The following PKHD1L1 variants were observed in gnomAD, a reference collection of about 807,000 sequenced individuals.
PKHD1L1 encodes the protein fibrocystin-L.
PKHD1L1 carries 434 observed loss-of-function variants against 462.9 expected under a neutral mutation model. The ratio of observed to expected loss-of-function variants is 0.94; its 90% CI spans 0.87 to 1.02. The LOEUF (loss-of-function observed/expected upper bound fraction) is 1.02. Ranked by LOEUF, PKHD1L1 falls within the 50% of genes least tolerant of loss-of-function variation. The probability of loss-of-function intolerance (pLI) is 0.00; values close to 1 mark genes in which losing one functional copy is unlikely to be tolerated. For missense variants in PKHD1L1, 5,202 were observed against 5,096.1 expected (o/e 1.02, Z -0.63); for synonymous variants, 1,781 against 1,750.0 (o/e 1.02, Z -0.44).
At chr8:109,438,250 TC>T (rs1815550719) in intron 30 of PKHD1L1, 73 bp from the exon 31 acceptor site, 1 of 1,090,158 alleles carries the variant, frequency 9.2e-7, no homozygotes, top group African/African-American at 1.6e-5. Flanking sequence ...TTCTGAATAA[TC>T]TATTTCTTTT....
Position 109,443,060 on chromosome 8 carries a change from C to T in PKHD1L1, c.4508C>T (p.Thr1503Ile), listed in dbSNP as rs1470821465. 5 of 1,613,586 alleles carry T rather than the reference C, an allele frequency of 3.1e-6. No homozygotes were observed. In the South Asian group the frequency reaches 4.4e-5, roughly 14 times the overall value. The change falls in exon 36 of 78, where the codon ACC (threonine) becomes ATC (isoleucine). Residue 1503 changes from threonine (T) to isoleucine (I), a missense_variant. Physicochemically the swap from Thr to Ile is moderately conservative, Grantham distance 89. Coordinates refer to ENST00000378402, the MANE Select transcript of PKHD1L1 (RefSeq NM_177531.6). ...QGVINVLPAE[T>I]RHIPLHLFVG... is the part of the protein sequence containing the mutation. ...GTCATTAATGTTTTACCAGCTGAAA[C>T]CAGACACATTCCCTTGCACCTGTTT...
intron 67 of PKHD1L1, among the ~76,000 whole-genome samples, chr8:109,500,852 C>T (rs1819374422): frequency 6.6e-6 from 1 of 152,094 alleles, no homozygotes; most frequent in Admixed American, 6.6e-5. Flanking sequence ...GGATCAGTTA[C>T]TTCTGCCAGG....
chr8:109,423,768 C>G (rs769943241), intron 23 of PKHD1L1, among the ~76,000 whole-genome samples: 1 of 152,110 alleles, frequency 6.6e-6, no homozygotes, highest in Non-Finnish European at 1.5e-5. Flanking sequence ...CAGTATGTCT[C>G]TCCAATTATT....
intron 51 of PKHD1L1, 142 bp from the exon 52 acceptor site, chr8:109,476,366 A>G: frequency 1.8e-6 from 1 of 557,890 alleles, no homozygotes; most frequent in South Asian, 2.5e-5. Context: ...TAAACAAAAT[A>G]GAAATTCAAG....
chr8:109,481,162 G>A (rs1052270194), intron 55 of PKHD1L1, among the ~76,000 whole-genome samples: 2 of 151,832 alleles, frequency 1.3e-5, no homozygotes, highest in African/African-American at 4.8e-5. Context: ...ATTATGGTCT[G>A]TTCAAACACC....
At chr8:109,511,508 T>C (rs981645049) in intron 71 of PKHD1L1, among the ~76,000 whole-genome samples, 3 of 151,786 alleles carry the variant, frequency 2.0e-5, no homozygotes, top group Non-Finnish European at 1.5e-5. Flanking sequence ...TCCATGTCCC[T>C]ACAAAGGACA....
chr8:109,404,155 A>G (rs1333804742), intron 14 of PKHD1L1, among the ~76,000 whole-genome samples: 2 of 152,200 alleles, frequency 1.3e-5, no homozygotes, highest in Admixed American at 1.3e-4. Context: ...ACTCAGATAT[A>G]AAATATATGC....
In PKHD1L1 at chr8:109,456,435, A is replaced by T. The variant is rs758391170; in HGVS notation, c.7004+44A>T. On this transcript the variant is annotated intron_variant, in intron 46 of 77. Transcript: ENST00000378402. ...TTAATGATGTGTATTTAGAAAAGAA[A>T]TTTTTATACTGTATAAAGAGGGACA... is the stretch of plus-strand genomic sequence containing the variant. 4 of 1,522,384 alleles carry T rather than the reference A, an allele frequency of 2.6e-6. No individual in the cohort carries two copies. The African/African-American group carries it at 5.6e-5, about 21-fold the overall frequency. 94.3% of individuals were successfully genotyped at this position (1,522,384 alleles called of 1,614,324 possible). A position where few individuals can be genotyped will look rare whatever the true frequency, so the allele number is the denominator to read the frequency against.
In PKHD1L1 at chr8:109,534,420, G is replaced by A. The variant is rs1044654454; in HGVS notation, c.*4330G>A. ...GGAGCTTGCAGTGAGCTGAGATCTC[G>A]CCACTGCACTCCAGCCTGGGTGACA... On this transcript the variant is annotated 3_prime_UTR_variant, in exon 78 of 78. Transcript: ENST00000378402. Among the ~76,000 whole-genome samples, 3 of 151,798 alleles carry A rather than the reference G, an allele frequency of 2.0e-5. No individual in the cohort carries two copies. The highest frequency in any genetic ancestry group is 4.1e-4 in the South Asian group (2 of 4,824).
rs376680487 is a variant in PKHD1L1 at position 109,406,335 on chromosome 8, T to A, written c.1670T>A (p.Val557Asp). ...TTTGTTTGTTTTAATCCAATCAAAGTCTTCCTACCTGCTGATGCTTCTGAA... is the reference window on the plus strand; with the variant it reads ...TTTGTTTGTTTTAATCCAATCAAAGACTTCCTACCTGCTGATGCTTCTGAA... ...YRLIYNMEKT[V>D]FLPADASEFI... Residue 557 changes from valine to aspartate, a missense_variant and splice_region_variant, in exon 17 of 78, where the codon GTC (valine) becomes GAC (aspartate). Val to Asp is a radical substitution (Grantham distance 152). Around this residue, in one of 3 missense-constraint regions of PKHD1L1, gnomAD observed 4,497 missense variants for 4,336.8 expected, o/e 1.04. Coordinates refer to ENST00000378402, the MANE Select transcript of PKHD1L1 (RefSeq NM_177531.6). The A allele has an allele frequency of 1.9e-6, 3 of 1,543,852 alleles. No individual in the cohort carries two copies. The African/African-American group carries it at 4.1e-5, about 21-fold the overall frequency.
At chr8:109,399,042 A>G (rs925738062) in intron 12 of PKHD1L1, among the ~76,000 whole-genome samples, 1 of 152,100 alleles carries the variant, frequency 6.6e-6, no homozygotes, top group African/African-American at 2.4e-5. Context: ...ATCTACACTA[A>G]TATCATTGAA....
chr8:109,426,961 A>T (rs1814784215), intron 24 of PKHD1L1, 41 bp from the exon 25 acceptor site: 1 of 1,132,750 alleles, frequency 8.8e-7, no homozygotes, highest in Non-Finnish European at 1.3e-6. Context: ...CCCGTTTGTG[A>T]ATTGTGACTC....
chr8:109,400,573 A>G (rs1386691507), intron 13 of PKHD1L1, among the ~76,000 whole-genome samples: 3 of 150,758 alleles, frequency 2.0e-5, no homozygotes, highest in Non-Finnish European at 4.4e-5. Flanking sequence ...ATTATTCTAC[A>G]TTAACTTGGT....
At chr8:109,518,138 T>C in intron 72 of PKHD1L1, 29 bp from the exon 73 acceptor site, 1 of 1,352,914 alleles carries the variant, frequency 7.4e-7, no homozygotes. Context: ...AATACTTAGC[T>C]GTGATGTTCT....
intron 2 of PKHD1L1, among the ~76,000 whole-genome samples, chr8:109,369,178 C>T (rs1261879503): frequency 6.7e-6 from 1 of 148,808 alleles, no homozygotes; most frequent in Non-Finnish European, 1.5e-5. Context: ...GTTTCACCAT[C>T]TTGGCCAGGT....
chr8:109,470,826 C>T lies in PKHD1L1; in HGVS notation c.8605+4057C>T, dbSNP rs1817678885. On this transcript the variant is annotated intron_variant, in intron 50 of 77. Coordinates refer to ENST00000378402, the MANE Select transcript of PKHD1L1 (RefSeq NM_177531.6). ...AGGATGAACAAGTTGAAAAGGAAAACACACTAGTTACTTGGATAAGTTCTT... is the reference window on the plus strand; with the variant it reads ...AGGATGAACAAGTTGAAAAGGAAAATACACTAGTTACTTGGATAAGTTCTT... 10 of 1,506,224 alleles carry T rather than the reference C, an allele frequency of 6.6e-6. No homozygotes were observed. In the Middle Eastern group the frequency reaches 9.7e-4, roughly 146 times the overall value. 93.3% of individuals were successfully genotyped at this position (1,506,224 alleles called of 1,614,324 possible).
chr8:109,438,981 G>T lies in PKHD1L1; in HGVS notation c.3845G>T (p.Cys1282Phe), dbSNP rs763808526. The T allele has an allele frequency of 6.2e-7, 1 of 1,613,666 alleles. No homozygotes were observed. The highest frequency in any genetic ancestry group is 1.1e-5 in the South Asian group (1 of 91,070). ...GCGGTGTATGTTGGAGGAAAAACCT[G>T]CCAGATTCTTCACTGGAACTTCACA... ...NMAVYVGGKT[C>F]QILHWNFTDI... is the part of the protein sequence containing the mutation. The change falls in exon 32 of 78, where the codon TGC becomes TTC. Residue 1282 changes from cysteine (C) to phenylalanine (F), a missense_variant. Physicochemically the swap from Cys to Phe is radical, Grantham distance 205. This residue lies in a region of PKHD1L1 where 4,497 missense variants were observed against 4,336.8 expected (regional missense o/e 1.04). Transcript: ENST00000378402.
intron 46 of PKHD1L1, 107 bp from the exon 47 acceptor site, chr8:109,459,488 G>T: frequency 1.2e-6 from 1 of 809,134 alleles, no homozygotes; most frequent in Middle Eastern, 3.9e-4. Context: ...CATAAGAATA[G>T]TTTCCTATTT....
At chr8:109,519,218 C>A (rs971590523) in intron 73 of PKHD1L1, among the ~76,000 whole-genome samples, 2 of 152,056 alleles carry the variant, frequency 1.3e-5, no homozygotes, top group African/African-American at 2.4e-5. Flanking sequence ...TCCCTCACTT[C>A]CTATTTTTTA....
Sources: gnomAD v4.1 joint callset for allele counts (sites outside exome capture counted in the v4.1 genomes callset) on GRCh38, gnomAD v4.1.1 for gene constraint, gnomAD v4.1.1 regional missense constraint, MANE v1.5 for transcripts, NCBI Gene and HGNC (gene_info 2026-07-23, HGNC 2026-07-21) for gene names.